IRAG2: variants seen among roughly 807,000 people sequenced by gnomAD.
The protein encoded by IRAG2 is lymphoid restricted membrane protein.
A neutral mutation model predicts 69.9 loss-of-function variants in IRAG2; 45 were observed. The observed-to-expected ratio is 0.64, with a 90% CI of 0.51 to 0.83. The LOEUF is 0.83. IRAG2 is among the 40% of genes least tolerant of loss of function. IRAG2 has a pLI of 0.00. For synonymous variants in IRAG2, 193 were observed against 202.4 expected (o/e 0.95, Z 0.40); for missense variants, 520 against 587.0 (o/e 0.89, Z 1.18).
chr12:25,049,156 A>G (rs1338939456), upstream of IRAG2, among the ~76,000 whole-genome samples: 4 of 152,158 alleles, frequency 2.6e-5, no homozygotes, highest in African/African-American at 9.7e-5. Flanking sequence ...GCCTTGTAGT[A>G]TAGTTTAAAG....
upstream of IRAG2, among the ~76,000 whole-genome samples, chr12:25,001,287 T>A (rs554328547): frequency 1.1e-3 from 164 of 151,428 alleles, no homozygotes; most frequent in African/African-American, 3.7e-3. Flanking sequence ...ACAAAAAAAA[T>A]TAAAAAAAAA....
At chr12:25,002,931 C>G (rs1475089569), upstream of IRAG2, among the ~76,000 whole-genome samples, 1 of 152,120 alleles carries the variant, frequency 6.6e-6, no homozygotes, top group African/African-American at 2.4e-5. Context: ...CGTGAGCCAC[C>G]ATGCCCAGCC....
At chr12:25,028,078 C>T (rs761400621) in intron 9 of IRAG2, among the ~76,000 whole-genome samples, 1 of 152,152 alleles carries the variant, frequency 6.6e-6, no homozygotes, top group Non-Finnish European at 1.5e-5. Flanking sequence ...GCGTGCGCCA[C>T]CATGCTTAGC....
chr12:25,097,070 A>T (rs1404924427), intron 15 of IRAG2, 26 bp downstream of exon 15: 2 of 1,564,636 alleles, frequency 1.3e-6, no homozygotes, highest in South Asian at 2.4e-5. Flanking sequence ...TTCTCTAGTT[A>T]GAATGAAATT....
chr12:25,033,732 C>T (rs1336190765), intron 12 of IRAG2: 2 of 393,408 alleles, frequency 5.1e-6, no homozygotes, highest in South Asian at 1.4e-4. Context: ...GCACATTATA[C>T]AATCCTTGGC....
In IRAG2 at chr12:25,086,596, G is replaced by A. The variant is rs560793579; in HGVS notation, c.316-1504G>A. On this transcript the variant is annotated intron_variant, in intron 10 of 21. Coordinates refer to ENST00000556887, the MANE Select transcript of IRAG2 (RefSeq NM_001366544.2). ...TGGCAGGAAGGAAGGGAGCATTGAG[G>A]ATAATGGAATCCTGGCTAACAATAT... Among the ~76,000 whole-genome samples the A allele has an allele frequency of 9.2e-5, 14 of 152,306 alleles. No homozygotes were observed. In the South Asian group the frequency reaches 1.9e-3, roughly 20 times the overall value.
chr12:25,043,536 A>T (rs1944767557), intron 16 of IRAG2, among the ~76,000 whole-genome samples: 1 of 152,134 alleles, frequency 6.6e-6, no homozygotes, highest in Non-Finnish European at 1.5e-5. Flanking sequence ...GAAAGGATGG[A>T]AGAGCTGGAT....
chr12:25,055,138 G>C (rs1347101289), intron 1 of IRAG2, among the ~76,000 whole-genome samples: 3 of 152,234 alleles, frequency 2.0e-5, no homozygotes, highest in Non-Finnish European at 4.4e-5. Flanking sequence ...TGGGGATGCA[G>C]CTGGTTTGTC....
upstream of IRAG2, chr12:25,052,188 C>T (rs1944891145): frequency 5.2e-6 from 2 of 385,450 alleles, no homozygotes; most frequent in South Asian, 2.8e-4. Flanking sequence ...ATGTCACTGA[C>T]AGCTTGCGGT....
At chr12:25,039,962 A>G (rs1393309098) in intron 16 of IRAG2, among the ~76,000 whole-genome samples, 3 of 152,204 alleles carry the variant, frequency 2.0e-5, no homozygotes, top group Non-Finnish European at 4.4e-5. Flanking sequence ...AGCTGGGATT[A>G]AGTGACAGCT....
intron 2 of IRAG2, among the ~76,000 whole-genome samples, chr12:25,007,875 G>T (rs995186284): frequency 6.6e-6 from 1 of 152,148 alleles, no homozygotes; most frequent in East Asian, 1.9e-4. Flanking sequence ...TTGTGTATCT[G>T]TAGGAACACA....
chr12:25,096,926 G>T lies in IRAG2; in HGVS notation c.623G>T (p.Cys208Phe). The change falls in exon 15 of 22, where the codon TGT (cysteine) becomes TTT (phenylalanine). Residue 208 changes from cysteine (C) to phenylalanine (F), a missense_variant. Coordinates refer to ENST00000556887, the MANE Select transcript of IRAG2 (RefSeq NM_001366544.2). ...TCTATACAGTCTTTAACACCTCTGT[G>T]TGAAGATGACAACCAGGCACAGGAA... ...LKLLESLTPL[C>F]EDDNQAQEII... The T allele has an allele frequency of 6.2e-7, 1 of 1,613,068 alleles. No homozygotes were observed. Among genetic ancestry groups the T allele is most frequent in the Non-Finnish European group, 8.5e-7 (1 of 1,179,596 alleles).
chr12:25,001,770 G>GT (rs71063385), upstream of IRAG2, among the ~76,000 whole-genome samples: 24,341 of 135,914 alleles, frequency 0.18, 2,314 homozygotes, highest in African/African-American at 0.2. Context: ...TACTCTTTTG[G>GT]TTTTTTTTTT....
chr12:25,002,649 C>CTTT (rs374969962), upstream of IRAG2, among the ~76,000 whole-genome samples: 5 of 145,474 alleles, frequency 3.4e-5, no homozygotes, highest in Non-Finnish European at 4.5e-5. Flanking sequence ...TTCTTCTTTT[C>CTTT]TTTTTTTTTT....
chr12:25,028,166 C>G (rs911128181), intron 9 of IRAG2, among the ~76,000 whole-genome samples: 1 of 152,160 alleles, frequency 6.6e-6, no homozygotes, highest in Admixed American at 6.5e-5. Flanking sequence ...CTCAAGTGAT[C>G]TGCCCGCCTC....
Position 25,079,948 on chromosome 12 carries a change from G to A in IRAG2, c.244+185G>A, listed in dbSNP as rs541729207. ...GAAATCCAAGTGGTAACTAACCATG[G>A]CCTTTCACACATAAGGATGGTATCA... is the stretch of plus-strand genomic sequence containing the variant. On this transcript the variant is annotated intron_variant, in intron 9 of 21. Transcript: ENST00000556887. 2.0e-5 allele frequency among the ~76,000 whole-genome samples: 3 copies of A among 152,230 alleles called. No homozygotes were observed. In the East Asian group the frequency reaches 5.8e-4, roughly 29 times the overall value.
intron 6 of IRAG2, among the ~76,000 whole-genome samples, chr12:25,075,074 T>G (rs1946591653): frequency 6.6e-6 from 1 of 152,210 alleles, no homozygotes. Context: ...CCTGTAGATC[T>G]GAGGGTGTGG....
At chr12:25,083,374 A>C in intron 9 of IRAG2, 49 bp from the exon 10 acceptor site, 1 of 1,162,688 alleles carries the variant, frequency 8.6e-7, no homozygotes, top group Admixed American at 1.7e-5. Context: ...CTCCTCTTTT[A>C]CTTGCTCCTG....
intron 6 of IRAG2, 116 bp downstream of exon 6, chr12:25,069,547 T>C: frequency 1.1e-6 from 1 of 910,198 alleles, no homozygotes; most frequent in Non-Finnish European, 1.7e-6. Flanking sequence ...GATATTCTTG[T>C]AGCAAGTCTG....
Sources: allele counts gnomAD v4.1 joint callset (sites outside exome capture counted in the v4.1 genomes callset), GRCh38; gene constraint gnomAD v4.1.1; transcripts MANE v1.5; gene names NCBI Gene and HGNC (gene_info 2026-07-23, HGNC 2026-07-21).